The following PPFIA2 variants were observed in gnomAD, a reference collection of about 807,000 sequenced individuals.
The protein encoded by PPFIA2 is liprin-alpha-2.
Under a neutral mutation model 175.5 loss-of-function variants are expected in PPFIA2, and 46 were observed. The ratio of observed to expected loss-of-function variants is 0.26; its 90% CI spans 0.21 to 0.34. PPFIA2 has a LOEUF of 0.34. Among genes scored for constraint, PPFIA2 ranks in the 10% least tolerant of loss-of-function variants. The pLI is 1.00. For synonymous variants in PPFIA2, 568 were observed against 511.4 expected (o/e 1.11, Z -1.49); for missense variants, 1,179 against 1,506.1 (o/e 0.78, Z 3.60).
intron 4 of PPFIA2, among the ~76,000 whole-genome samples, chr12:81,596,123 A>T (rs2059218173): frequency 1.3e-5 from 2 of 152,092 alleles, no homozygotes; most frequent in Admixed American, 1.3e-4. Context: ...ATATGGGTTA[A>T]TGTATATAGG....
chr12:81,587,257 C>T (rs2075421955), intron 4 of PPFIA2, among the ~76,000 whole-genome samples: 2 of 151,914 alleles, frequency 1.3e-5, no homozygotes, highest in African/African-American at 4.8e-5. Flanking sequence ...ATCATGGCGG[C>T]AGTTCCTCCT....
chr12:81,570,847 T>C (rs1266744027), intron 4 of PPFIA2, among the ~76,000 whole-genome samples: 4 of 151,872 alleles, frequency 2.6e-5, no homozygotes, highest in South Asian at 2.1e-4. Flanking sequence ...CATCCCATCA[T>C]AGAAAGCCGG....
chr12:81,671,590 T>G (rs1375636253), intron 4 of PPFIA2, among the ~76,000 whole-genome samples: 3 of 151,896 alleles, frequency 2.0e-5, no homozygotes, highest in Admixed American at 1.3e-4. Flanking sequence ...AAGATCTCGT[T>G]GACTCTTCTG....
At chr12:81,688,083 A>T (rs1161855027) in intron 3 of PPFIA2, among the ~76,000 whole-genome samples, 1 of 152,012 alleles carries the variant, frequency 6.6e-6, no homozygotes, top group Non-Finnish European at 1.5e-5. Context: ...TACAACTTTT[A>T]TGCATTTCTA....
At chr12:81,501,136 T>G (rs144702438) in intron 4 of PPFIA2, among the ~76,000 whole-genome samples, 84 of 152,330 alleles carry the variant, frequency 5.5e-4, no homozygotes, top group Non-Finnish European at 9.1e-4. Context: ...CCTACATGAT[T>G]TGAATTCCCT....
chr12:81,520,910 C>T (rs912635262), intron 4 of PPFIA2, among the ~76,000 whole-genome samples: 18 of 151,976 alleles, frequency 1.2e-4, no homozygotes, highest in African/African-American at 4.4e-4. Flanking sequence ...AGGGTTTGTT[C>T]CTATTAGAAC....
At chr12:81,388,327 C>T (rs937012193) in intron 8 of PPFIA2, among the ~76,000 whole-genome samples, 3 of 152,150 alleles carry the variant, frequency 2.0e-5, no homozygotes, top group African/African-American at 7.2e-5. Context: ...AAACATATTA[C>T]TGATCTCTCC....
At chr12:81,410,795 T>C (rs891982474) in intron 7 of PPFIA2, among the ~76,000 whole-genome samples, 2 of 152,016 alleles carry the variant, frequency 1.3e-5, no homozygotes, top group South Asian at 4.2e-4. Context: ...GGCTGAGCTA[T>C]GGGAAACGAT....
At position 81,662,470 on chromosome 12, in the gene PPFIA2, C is replaced by T. The variant is rs576103897; in HGVS notation, c.303+14321G>A. On this transcript the variant is annotated intron_variant, in intron 4 of 32. Coordinates refer to ENST00000549396, the MANE Select transcript of PPFIA2 (RefSeq NM_003625.5). ...ATCTAGAAGAAATGGATAAATTCCT[C>T]GACACATACACCCTCCCAAGACTAA... 6.4e-4 allele frequency among the ~76,000 whole-genome samples: 98 copies of T among 152,114 alleles called. 1 individual carries two copies. Among genetic ancestry groups the T allele is most frequent in the African/African-American group, 2.1e-3 (89 of 41,508 alleles).
chr12:81,639,743 T>G (rs2064693194), intron 4 of PPFIA2, among the ~76,000 whole-genome samples: 1 of 152,150 alleles, frequency 6.6e-6, no homozygotes, highest in South Asian at 2.1e-4. Context: ...GTCTTTTGAA[T>G]AGGACTGAAA....
intron 21 of PPFIA2, 75 bp from the exon 22 acceptor site, chr12:81,325,945 G>A: frequency 9.4e-7 from 1 of 1,063,530 alleles, no homozygotes. Context: ...GTTGTTAAAG[G>A]TTTAGTTGAG....
intron 7 of PPFIA2, among the ~76,000 whole-genome samples, chr12:81,406,792 A>G (rs769635199): frequency 5.3e-5 from 8 of 152,174 alleles, no homozygotes; most frequent in African/African-American, 9.7e-5. Flanking sequence ...TCTGGGAGAA[A>G]TAAAGGTACA....
At chr12:81,576,065 C>G (rs893445244) in intron 4 of PPFIA2, among the ~76,000 whole-genome samples, 27 of 151,498 alleles carry the variant, frequency 1.8e-4, no homozygotes, top group African/African-American at 6.3e-4. Flanking sequence ...CCAACCATAG[C>G]CATCCCATTT....
rs180902231 is a variant in PPFIA2 at position 81,315,454 on chromosome 12, G to A, written c.2642+10323C>T. ...ATCTAAGCTAAACCAGGAGAGAGGG[G>A]AAAACAGAAAGGTGATAATGCACTG... is the stretch of plus-strand genomic sequence containing the variant. On this transcript the variant is annotated intron_variant, in intron 22 of 32. Transcript: ENST00000549396. 2.0e-5 allele frequency among the ~76,000 whole-genome samples: 3 copies of A among 151,732 alleles called. No individual in the cohort carries two copies. In the East Asian group the frequency reaches 5.8e-4, roughly 29 times the overall value.
chr12:81,424,540 T>C (rs1306160506), intron 7 of PPFIA2, among the ~76,000 whole-genome samples: 1 of 152,238 alleles, frequency 6.6e-6, no homozygotes, highest in Non-Finnish European at 1.5e-5. Context: ...ACATTCTTTA[T>C]GTTTTGTGTG....
chr12:81,658,228 AT>A, intron 4 of PPFIA2, among the ~76,000 whole-genome samples: 1 of 149,810 alleles, frequency 6.7e-6, no homozygotes, highest in South Asian at 2.1e-4. Context: ...AGATCGTGCC[AT>A]TGCACTCCAG....
At chr12:81,645,656 G>A (rs2065957421) in intron 4 of PPFIA2, among the ~76,000 whole-genome samples, 1 of 152,230 alleles carries the variant, frequency 6.6e-6, no homozygotes, top group Non-Finnish European at 1.5e-5. Context: ...AGGTTGACAA[G>A]TTCCTTTGAG....
intron 4 of PPFIA2, among the ~76,000 whole-genome samples, chr12:81,528,384 T>C (rs189195091): frequency 2.6e-5 from 4 of 152,214 alleles, no homozygotes; most frequent in Non-Finnish European, 4.4e-5. Context: ...AGCTTTCTAC[T>C]GAAGAAAATA....
intron 8 of PPFIA2, among the ~76,000 whole-genome samples, chr12:81,396,733 G>T (rs1384494651): frequency 1.3e-5 from 2 of 152,022 alleles, no homozygotes; most frequent in Non-Finnish European, 2.9e-5. Context: ...AGATTACTCT[G>T]ATTCATGCTG....
Sources: allele counts gnomAD v4.1 joint callset (sites outside exome capture counted in the v4.1 genomes callset), GRCh38; gene constraint gnomAD v4.1.1; transcripts MANE v1.5; gene names NCBI Gene and HGNC (gene_info 2026-07-23, HGNC 2026-07-21).